The following SLC12A2 variants were observed in gnomAD, a reference collection of about 807,000 sequenced individuals.
SLC12A2 encodes solute carrier family 12 member 2, also known as Na-K-2Cl cotransporter 1.
In SLC12A2, 67 loss-of-function variants were observed where a neutral mutation model predicts 136.3. The ratio of observed to expected loss-of-function variants is 0.49; its 90% CI spans 0.40 to 0.60. The LOEUF is 0.60. SLC12A2 is among the 20% of genes least tolerant of loss of function. SLC12A2 has a pLI of 0.00. For synonymous variants in SLC12A2, 619 were observed against 562.9 expected, an observed-to-expected ratio of 1.10 and a Z score of -1.41; for missense variants, 1,322 against 1,534.7, an observed-to-expected ratio of 0.86 and a Z score of 2.32.
In SLC12A2 at chr5:128,188,319, G is replaced by A. The variant is rs1046203313; in HGVS notation, c.*1688G>A. 2.7e-4 allele frequency: 36 copies of A among 132,836 alleles called. 1 individual carries two copies. Among genetic ancestry groups the A allele is most frequent in the African/African-American group, 9.7e-4 (32 of 33,154 alleles). The allele number at this position is 132,836 out of a possible 1,614,324, so 8.2% of individuals were successfully genotyped here. ...TTTTTTTTTTTTTTTTTTTTGAGAC[G>A]GAGTCTTGCTCTGTTGCCACGCTGG... On this transcript the variant is annotated 3_prime_UTR_variant, in exon 27 of 27. Transcript: ENST00000262461.
chr5:128,120,884 AAATTAATGTTAACT>A, intron 4 of SLC12A2, among the ~76,000 whole-genome samples: 1 of 152,146 alleles, frequency 6.6e-6, no homozygotes, highest in African/African-American at 2.4e-5. Flanking sequence ...AAATAAATAA[AAATTAATGTTAACT>A]AATTTGAGAT....
intron 24 of SLC12A2, among the ~76,000 whole-genome samples, chr5:128,183,907 T>C (rs919864334): frequency 3.3e-5 from 5 of 152,042 alleles, no homozygotes; most frequent in Admixed American, 2.6e-4. Context: ...AAAAATGCAA[T>C]TTATTACAGG....
chr5:128,147,574 GAATT>G lies in SLC12A2; in HGVS notation c.1774-47_1774-44del, dbSNP rs529103531. ...ACCACATAATATTGTGTTATTTTCT[GAATT>G]GTTTGTGAGATTTATTTTTCCATTT... On this transcript the variant is annotated intron_variant, in intron 10 of 26. Coordinates refer to ENST00000262461, the MANE Select transcript of SLC12A2 (RefSeq NM_001046.3). The G allele has an allele frequency of 1.3e-4, 151 of 1,202,634 alleles. No individual in the cohort carries two copies. The African/African-American group carries it at 2.0e-3, about 16-fold the overall frequency. 74.5% of individuals were successfully genotyped at this position (1,202,634 alleles called of 1,614,324 possible). A position where few individuals can be genotyped will look rare whatever the true frequency, so the allele number is the denominator to read the frequency against.
At chr5:128,121,870 G>T (rs6867174) in intron 4 of SLC12A2, among the ~76,000 whole-genome samples, 2,825 of 152,200 alleles carry the variant, frequency 0.019, 77 homozygotes, top group African/African-American at 0.061. Flanking sequence ...AGTTTCCACG[G>T]ATCTGTACAA....
chr5:128,093,788 A>G (rs114478524), intron 1 of SLC12A2, among the ~76,000 whole-genome samples: 2,091 of 152,252 alleles, frequency 0.014, 54 homozygotes, highest in African/African-American at 0.048. Context: ...AAGCTGCAGC[A>G]ATAGCCTTGT....
At position 128,083,790 on chromosome 5, in the gene SLC12A2, C is replaced by T. The variant is rs1001516909; in HGVS notation, c.-165C>T. 13 of 445,472 alleles carry T rather than the reference C, an allele frequency of 2.9e-5. No individual in the cohort carries two copies. Among genetic ancestry groups the T allele is most frequent in the South Asian group, 2.3e-4 (2 of 8,590 alleles). The allele number at this position is 445,472 out of a possible 1,614,324, so 27.6% of individuals were successfully genotyped here. Reference sequence around the variant, plus strand: ...CACACTCGCGCGCTCGCTCGGCTGCCGGTGGCCTCTGTGGCCGTCCAGGCT... The same window carrying T: ...CACACTCGCGCGCTCGCTCGGCTGCTGGTGGCCTCTGTGGCCGTCCAGGCT... On this transcript the variant is annotated 5_prime_UTR_variant, in exon 1 of 27. Coordinates refer to ENST00000262461, the MANE Select transcript of SLC12A2 (RefSeq NM_001046.3).
chr5:128,112,915 C>G lies in SLC12A2; in HGVS notation c.858C>G (p.Gly286=). The change falls in exon 2 of 27, where the codon GGC becomes GGG. Residue 286 remains glycine (G), a synonymous_variant. Transcript: ENST00000262461. ...TAESKGVVKF[G]WIKGVLVRCM... ...AAAGTAAAGGAGTCGTGAAGTTTGGCTGGATCAAGGGTGTATTAGTATGTA... is the reference window on the plus strand; with the variant it reads ...AAAGTAAAGGAGTCGTGAAGTTTGGGTGGATCAAGGGTGTATTAGTATGTA... 1 of 1,612,340 alleles carries G rather than the reference C, an allele frequency of 6.2e-7. No homozygotes were observed. Among genetic ancestry groups the G allele is most frequent in the Non-Finnish European group, 8.5e-7 (1 of 1,179,018 alleles).
chr5:128,095,678 T>C (rs1282186325), intron 1 of SLC12A2, among the ~76,000 whole-genome samples: 4 of 152,142 alleles, frequency 2.6e-5, no homozygotes, highest in Non-Finnish European at 5.9e-5. Context: ...ATGAAATTTT[T>C]TTTGCAATTA....
At chr5:128,138,784 T>C (rs1762264322) in intron 8 of SLC12A2, 40 bp from the exon 9 acceptor site, 3 of 1,599,978 alleles carry the variant, frequency 1.9e-6, no homozygotes, top group Admixed American at 1.7e-5. Context: ...TGTATATTTA[T>C]TTTTACAGAT....
chr5:128,109,734 T>C, intron 1 of SLC12A2: 2 of 1,142,778 alleles, frequency 1.8e-6, no homozygotes, highest in Non-Finnish European at 2.7e-6. Context: ...TTCACTAGAG[T>C]TGGAGTCCAG....
chr5:128,114,531 C>T lies in SLC12A2; in HGVS notation c.953-55C>T, dbSNP rs552982761. The T allele has an allele frequency of 6.5e-5, 78 of 1,207,518 alleles. 1 individual carries two copies. Among genetic ancestry groups the T allele is most frequent in the African/African-American group, 6.4e-4 (43 of 66,888 alleles). The allele number at this position is 1,207,518 out of a possible 1,614,324, so 74.8% of individuals were successfully genotyped here. A position where few individuals can be genotyped will look rare whatever the true frequency, so the allele number is the denominator to read the frequency against. On this transcript the variant is annotated intron_variant, in intron 3 of 26. Coordinates refer to ENST00000262461, the MANE Select transcript of SLC12A2 (RefSeq NM_001046.3). ...TCTTAGACCAACCAGTTTTAGATACCGATGAGCTTAAACAAGAGTGTAAGT... is the reference window on the plus strand; with the variant it reads ...TCTTAGACCAACCAGTTTTAGATACTGATGAGCTTAAACAAGAGTGTAAGT...
At chr5:128,098,418 G>A (rs1474172714) in intron 1 of SLC12A2, among the ~76,000 whole-genome samples, 2 of 150,186 alleles carry the variant, frequency 1.3e-5, no homozygotes, top group Non-Finnish European at 3.0e-5. Flanking sequence ...TGTTTTTGGA[G>A]TCTTTGTCTC....
chr5:128,101,399 C>A (rs552526481), intron 1 of SLC12A2, among the ~76,000 whole-genome samples: 5 of 152,176 alleles, frequency 3.3e-5, no homozygotes, highest in Admixed American at 1.3e-4. Flanking sequence ...TGCTGTTAAA[C>A]CATATAAGAA....
In SLC12A2 at chr5:128,083,865, C is replaced by A. The variant is rs1759894476; in HGVS notation, c.-90C>A. 1.0e-6 allele frequency: 1 copy of A among 993,088 alleles called. No individual in the cohort carries two copies. The highest frequency in any genetic ancestry group is 1.3e-6 in the Non-Finnish European group (1 of 775,914). 61.5% of individuals were successfully genotyped at this position (993,088 alleles called of 1,614,324 possible). ...AGAAAGACTCTCTCACCTGGTCTTGCGGCTGTGGCCACCGCCGGCCAGGGG... is the reference window on the plus strand; with the variant it reads ...AGAAAGACTCTCTCACCTGGTCTTGAGGCTGTGGCCACCGCCGGCCAGGGG... On this transcript the variant is annotated 5_prime_UTR_variant, in exon 1 of 27. Transcript: ENST00000262461.
At chr5:128,147,160 A>G (rs1762554997) in intron 10 of SLC12A2, among the ~76,000 whole-genome samples, 2 of 151,142 alleles carry the variant, frequency 1.3e-5, no homozygotes, top group Admixed American at 6.6e-5. Context: ...GGGAATTTGA[A>G]TGCTGACTTG....
In SLC12A2 at chr5:128,186,679, G is replaced by C. The variant is rs781122726; in HGVS notation, c.*48G>C. The C allele has an allele frequency of 1.9e-6, 3 of 1,559,572 alleles. No individual in the cohort carries two copies. The highest frequency in any genetic ancestry group is 2.2e-5 in the East Asian group (1 of 44,530). ...CTCCAGAATGGTACTTCAGTGCCTAGTGTAGTAACTGAAATCTTCAATGAC... is the reference window on the plus strand; with the variant it reads ...CTCCAGAATGGTACTTCAGTGCCTACTGTAGTAACTGAAATCTTCAATGAC... On this transcript the variant is annotated 3_prime_UTR_variant, in exon 27 of 27. Transcript: ENST00000262461.
At chr5:128,171,324 T>C (rs1411564049) in intron 18 of SLC12A2, among the ~76,000 whole-genome samples, 2 of 152,160 alleles carry the variant, frequency 1.3e-5, no homozygotes, top group Non-Finnish European at 2.9e-5. Flanking sequence ...TTTAATGGTA[T>C]AAGCCCAAAT....
At chr5:128,125,231 C>A (rs887202099) in intron 4 of SLC12A2, among the ~76,000 whole-genome samples, 3 of 152,194 alleles carry the variant, frequency 2.0e-5, no homozygotes, top group African/African-American at 4.8e-5. Context: ...AGTCTTCTCA[C>A]AGCTTTACTG....
intron 4 of SLC12A2, among the ~76,000 whole-genome samples, chr5:128,120,481 T>C (rs376445015): frequency 6.6e-6 from 1 of 151,680 alleles, no homozygotes; most frequent in Non-Finnish European, 1.5e-5. Flanking sequence ...AATGATAGAC[T>C]GGATTAAGAA....
Sources: allele counts gnomAD v4.1 joint callset (sites outside exome capture counted in the v4.1 genomes callset), GRCh38; gene constraint gnomAD v4.1.1; transcripts MANE v1.5; gene names NCBI Gene and HGNC (gene_info 2026-07-23, HGNC 2026-07-21).